RANBP2: variants seen among roughly 807,000 people sequenced by gnomAD.
RANBP2 encodes the protein E3 SUMO-protein ligase RanBP2.
RANBP2 carries 57 observed loss-of-function variants against 303.6 expected under a neutral mutation model. The ratio of observed to expected loss-of-function variants is 0.19; its 90% CI spans 0.15 to 0.23. The LOEUF (loss-of-function observed/expected upper bound fraction) is 0.23, where lower values mean the gene tolerates loss of function less well. Among genes scored for constraint, RANBP2 ranks in the 10% least tolerant of loss-of-function variants. The probability of loss-of-function intolerance (pLI) is 1.00; values close to 1 mark genes in which losing one functional copy is unlikely to be tolerated. For synonymous variants in RANBP2, 1,167 were observed against 1,301.5 expected, an observed-to-expected ratio of 0.90 and a Z score of 2.23; for missense variants, 3,138 against 3,780.8, an observed-to-expected ratio of 0.83 and a Z score of 4.46.
chr2:109,511,570 C>T, the RANBP2 span, among the ~76,000 whole-genome samples: 1 of 152,184 alleles, frequency 6.6e-6, no homozygotes, highest in Non-Finnish European at 1.5e-5. Flanking sequence ...ACTGTTGTGG[C>T]AAGGCTCAGA....
the RANBP2 span, among the ~76,000 whole-genome samples, chr2:109,518,890 G>A: frequency 0.085 from 12,640 of 149,294 alleles, 1,013 homozygotes; most frequent in East Asian, 0.24. Context: ...AGGAGGAAGA[G>A]AGAGGTGGGG....
the RANBP2 span, among the ~76,000 whole-genome samples, chr2:109,162,245 A>T: frequency 6.6e-6 from 1 of 152,196 alleles, no homozygotes; most frequent in Non-Finnish European, 1.5e-5. Context: ...CACTGAAGAC[A>T]AGTGGTGGTG....
At chr2:109,547,711 A>G in the RANBP2 span, among the ~76,000 whole-genome samples, 1 of 152,224 alleles carries the variant, frequency 6.6e-6, no homozygotes, top group Non-Finnish European at 1.5e-5. Flanking sequence ...AAAACTCTGG[A>G]AACTTACAAA....
the RANBP2 span, among the ~76,000 whole-genome samples, chr2:109,508,459 C>G: frequency 6.6e-6 from 1 of 152,318 alleles, no homozygotes; most frequent in Non-Finnish European, 1.5e-5. Flanking sequence ...CCCCATGGCA[C>G]TGTGCAAAAG....
At chr2:108,851,595 G>A in the RANBP2 span, among the ~76,000 whole-genome samples, 1 of 152,068 alleles carries the variant, frequency 6.6e-6, no homozygotes, top group Non-Finnish European at 1.5e-5. Flanking sequence ...GAGCCACCGC[G>A]CCCGGCCTTT....
At chr2:109,329,417 A>G in the RANBP2 span, among the ~76,000 whole-genome samples, 4 of 152,258 alleles carry the variant, frequency 2.6e-5, no homozygotes, top group Non-Finnish European at 5.9e-5. Context: ...TTATTCACCA[A>G]GACTTTTTCA....
At chr2:108,888,396 G>A in the RANBP2 span, among the ~76,000 whole-genome samples, 1 of 152,068 alleles carries the variant, frequency 6.6e-6, no homozygotes, top group East Asian at 1.9e-4. Flanking sequence ...ATAAGTTAAG[G>A]AGAATTCTCT....
At chr2:109,117,179 AT>A in the RANBP2 span, among the ~76,000 whole-genome samples, 6 of 152,340 alleles carry the variant, frequency 3.9e-5, no homozygotes, top group East Asian at 1.2e-3. Context: ...AGACAGGGAC[AT>A]TTAAGTCTGC....
the RANBP2 span, among the ~76,000 whole-genome samples, chr2:109,248,479 T>C: frequency 6.6e-6 from 1 of 152,246 alleles, no homozygotes; most frequent in Non-Finnish European, 1.5e-5. Flanking sequence ...TCAAAGTCAT[T>C]TATGCAGGCC....
the RANBP2 span, among the ~76,000 whole-genome samples, chr2:109,120,572 C>T: frequency 1.8e-3 from 273 of 150,180 alleles, no homozygotes; most frequent in Non-Finnish European, 2.8e-3. Context: ...GGTGACCTTT[C>T]CTTCCAGTTC....
At chr2:109,774,675 G>A in the RANBP2 span, among the ~76,000 whole-genome samples, 1 of 55,000 alleles carries the variant, frequency 1.8e-5, no homozygotes, top group African/African-American at 1.2e-4. Context: ...GCTATTACAG[G>A]TTTTAGACTA....
the RANBP2 span, among the ~76,000 whole-genome samples, chr2:109,002,814 C>T: frequency 6.6e-6 from 1 of 152,194 alleles, no homozygotes; most frequent in Admixed American, 6.5e-5. Flanking sequence ...CTGTGTCATG[C>T]TGTTCTCCAC....
At chr2:109,188,010 C>G in the RANBP2 span, among the ~76,000 whole-genome samples, 1 of 152,188 alleles carries the variant, frequency 6.6e-6, no homozygotes, top group Non-Finnish European at 1.5e-5. Flanking sequence ...TGCCTCTGCT[C>G]CATCTCACCT....
chr2:109,351,566 C>CT, the RANBP2 span, among the ~76,000 whole-genome samples: 2 of 152,268 alleles, frequency 1.3e-5, no homozygotes, highest in Non-Finnish European at 2.9e-5. Context: ...TTGTGGTCGC[C>CT]TTGCCAGGCA....
chr2:109,235,378 C>T, the RANBP2 span, among the ~76,000 whole-genome samples: 2 of 152,170 alleles, frequency 1.3e-5, no homozygotes, highest in African/African-American at 4.8e-5. Flanking sequence ...TTGAGAGACC[C>T]TAATCTTTTC....
the RANBP2 span, among the ~76,000 whole-genome samples, chr2:109,179,731 C>G: frequency 1.6e-4 from 25 of 152,194 alleles, no homozygotes; most frequent in African/African-American, 5.1e-4. Context: ...TTATCTAATC[C>G]TAATTACCTC....
At chr2:109,627,558 A>C in the RANBP2 span, among the ~76,000 whole-genome samples, 1 of 152,226 alleles carries the variant, frequency 6.6e-6, no homozygotes, top group East Asian at 1.9e-4. Context: ...TTCTGTATAT[A>C]TAATGATGAT....
chr2:109,683,373 G>A, the RANBP2 span, among the ~76,000 whole-genome samples: 1 of 152,148 alleles, frequency 6.6e-6, no homozygotes, highest in Non-Finnish European at 1.5e-5. Context: ...TCTGCGGTGT[G>A]CACGGTGGTG....
chr2:109,490,947 G>A, the RANBP2 span: 6 of 1,468,958 alleles, frequency 4.1e-6, no homozygotes, highest in Non-Finnish European at 5.4e-6. Flanking sequence ...GTAAGTGCAG[G>A]GGCTTGTCTG....
Sources: gnomAD v4.1 joint callset for allele counts (sites outside exome capture counted in the v4.1 genomes callset) on GRCh38, gnomAD v4.1.1 for gene constraint, MANE v1.5 for transcripts, NCBI Gene and HGNC (gene_info 2026-07-23, HGNC 2026-07-21) for gene names.